The following HPS6 variants were observed in gnomAD, a reference collection of about 807,000 sequenced individuals.
HPS6 encodes HPS6 biogenesis of lysosomal organelles complex 2 subunit 3.
In HPS6, 46 loss-of-function variants were observed where a neutral mutation model predicts 53.6. The ratio of observed to expected loss-of-function variants is 0.86; its 90% CI spans 0.68 to 1.10. The LOEUF is 1.10. Among genes scored for constraint, HPS6 ranks in the 50% least tolerant of loss-of-function variants. HPS6 has a pLI of 0.00. For synonymous variants in HPS6, 535 were observed against 470.8 expected (o/e 1.14, Z -1.77); for missense variants, 1,034 against 991.3 (o/e 1.04, Z -0.58).
At position 102,066,498 on chromosome 10, in the gene HPS6, C is replaced by T; in HGVS notation, c.1024C>T (p.Leu342=). 1 of 1,614,196 alleles carries T rather than the reference C, an allele frequency of 6.2e-7. No individual in the cohort carries two copies. The highest frequency in any genetic ancestry group is 1.1e-5 in the South Asian group (1 of 91,092). The change falls in exon 1 of 1, where the codon CTG becomes TTG. Residue 342 remains leucine (L), a synonymous_variant. Transcript: ENST00000299238. The stretch of plus-strand genomic sequence containing the variant: ...ACTGCTGGACATGGGCAGTGGGCAG[C>T]TGCTGGAGAGGAAGGTCCTAAGTAC... ...LELLDMGSGQ[L]LERKVLSTDR...
In HPS6 at chr10:102,067,912, A is replaced by G. The variant is rs1430710791; in HGVS notation, c.*110A>G. On this transcript the variant is annotated 3_prime_UTR_variant, in exon 1 of 1. Transcript: ENST00000299238. ...ACACAGGAAATCATTTCTAGGACACAGTGATCAGGGAAGGGTGCCTGGGAC... is the reference window on the plus strand; with the variant it reads ...ACACAGGAAATCATTTCTAGGACACGGTGATCAGGGAAGGGTGCCTGGGAC... 7.5e-7 allele frequency: 1 copy of G among 1,326,584 alleles called. No homozygotes were observed. Among genetic ancestry groups the G allele is most frequent in the Non-Finnish European group, 1.1e-6 (1 of 923,646 alleles). The allele number at this position is 1,326,584 out of a possible 1,614,324, so 82.2% of individuals were successfully genotyped here. A position where few individuals can be genotyped will look rare whatever the true frequency, so the allele number is the denominator to read the frequency against.
chr10:102,067,481 A>C lies in HPS6; in HGVS notation c.2007A>C (p.Glu669Asp). ...CCTCCAGTCCCCTGCTTCGAAGTGA[A>C]ATCTTCAAACTGCTGCTGGCCGAGT... ...LGPSSPLLRS[E>D]IFKLLLAEFA... Residue 669 changes from glutamate (E) to aspartate (D), a missense_variant, in exon 1 of 1, where the codon GAA (glutamate) becomes GAC (aspartate). Glu to Asp is a conservative substitution (Grantham distance 45). Transcript: ENST00000299238. The C allele has an allele frequency of 8.1e-6, 13 of 1,613,812 alleles. No individual in the cohort carries two copies. The highest frequency in any genetic ancestry group is 1.1e-5 in the Non-Finnish European group (13 of 1,180,036).
At position 102,065,743 on chromosome 10, in the gene HPS6, C is replaced by G. The variant is rs969544948; in HGVS notation, c.269C>G (p.Pro90Arg). 2.4e-5 allele frequency: 36 copies of G among 1,501,270 alleles called. No individual in the cohort carries two copies. Among genetic ancestry groups the G allele is most frequent in the Non-Finnish European group, 3.0e-5 (34 of 1,133,064 alleles). 93.0% of individuals were successfully genotyped at this position (1,501,270 alleles called of 1,614,324 possible). ...TTCTTCCTGCCGTGGCCAGCGCGGC[C>G]GGCGCTGGTGCTGGTGTGGGAGAGT... is the stretch of plus-strand genomic sequence containing the variant. ...DAFFLPWPAR[P>R]ALVLVWESGL... The change falls in exon 1 of 1, where the codon CCG becomes CGG. Residue 90 changes from proline (P) to arginine (R), a missense_variant. Pro to Arg is a moderately radical substitution (Grantham distance 103). Coordinates refer to ENST00000299238, the MANE Select transcript of HPS6 (RefSeq NM_024747.6).
At position 102,066,905 on chromosome 10, in the gene HPS6, T is replaced by C. The variant is rs1188370017; in HGVS notation, c.1431T>C (p.Asp477=). 1 of 1,614,130 alleles carries C rather than the reference T, an allele frequency of 6.2e-7. No homozygotes were observed. The highest frequency in any genetic ancestry group is 8.5e-7 in the Non-Finnish European group (1 of 1,180,000). Residue 477 remains aspartate (D), a synonymous_variant, in exon 1 of 1, where the codon GAT becomes GAC. Transcript: ENST00000299238. Reference sequence around the variant, plus strand: ...AGGCCCAGCTGGTGGCTGGGGATGATGAGGAGGCTGGTTGGACTGAGCTGG... The same window carrying C: ...AGGCCCAGCTGGTGGCTGGGGATGACGAGGAGGCTGGTTGGACTGAGCTGG... The part of the protein sequence containing the change: ...QLKAQLVAGD[D]EEAGWTELAE...
chr10:102,066,870 G>C lies in HPS6; in HGVS notation c.1396G>C (p.Glu466Gln). Reference protein sequence around the residue: ...RTELRDYRGLEQLKAQLVAGD... With the variant: ...RTELRDYRGLQQLKAQLVAGD... ...CGAGCTTCGGGATTACCGAGGCTTA[G>C]AACAGCTGAAGGCCCAGCTGGTGGC... The change falls in exon 1 of 1, where the codon GAA becomes CAA. Residue 466 changes from glutamate (E) to glutamine (Q), a missense_variant. By Grantham distance (29) the Glu-to-Gln change is conservative. Transcript: ENST00000299238. The C allele has an allele frequency of 6.2e-7, 1 of 1,614,250 alleles. No individual in the cohort carries two copies. Among genetic ancestry groups the C allele is most frequent in the Non-Finnish European group, 8.5e-7 (1 of 1,180,042 alleles).
Position 102,066,440 on chromosome 10 carries a change from C to T in HPS6, c.966C>T (p.Gly322=), listed in dbSNP as rs749962132. 1.2e-6 allele frequency: 2 copies of T among 1,614,120 alleles called. No homozygotes were observed. The highest frequency in any genetic ancestry group is 1.7e-6 in the Non-Finnish European group (2 of 1,180,018). Reference sequence around the variant, plus strand: ...CTGCAGCCCTAGGCACATTTCAGGGCACTCTGGCCTGTGTGCTGGGCTCCA... The same window carrying T: ...CTGCAGCCCTAGGCACATTTCAGGGTACTCTGGCCTGTGTGCTGGGCTCCA... ...WGSAALGTFQ[G]TLACVLGSTL... The change falls in exon 1 of 1, where the codon GGC becomes GGT. Residue 322 remains glycine (G), a synonymous_variant. Coordinates refer to ENST00000299238, the MANE Select transcript of HPS6 (RefSeq NM_024747.6).
In HPS6 at chr10:102,065,539, T is replaced by C. The variant is rs1277860696; in HGVS notation, c.65T>C (p.Leu22Pro). ...AGCGCCTTCGGCGGCGCGGCGCGGCTCCGGGAGCTGGTGGCCGGGGACTCA... is the reference window on the plus strand; with the variant it reads ...AGCGCCTTCGGCGGCGCGGCGCGGCCCCGGGAGCTGGTGGCCGGGGACTCA... ...DLSAFGGAAR[L>P]RELVAGDSAV... The change falls in exon 1 of 1, where the codon CTC becomes CCC. Residue 22 changes from leucine (L) to proline (P), a missense_variant. Leu to Pro is a moderately conservative substitution (Grantham distance 98, BLOSUM62 -3). Transcript: ENST00000299238. 1 of 1,549,906 alleles carries C rather than the reference T, an allele frequency of 6.5e-7. No homozygotes were observed. Among genetic ancestry groups the C allele is most frequent in the African/African-American group, 1.4e-5 (1 of 70,898 alleles).
In HPS6 at chr10:102,066,418, C is replaced by G. The variant is rs759866099; in HGVS notation, c.944C>G (p.Ala315Gly). 3 of 1,614,056 alleles carry G rather than the reference C, an allele frequency of 1.9e-6. No homozygotes were observed. The highest frequency in any genetic ancestry group is 2.5e-6 in the Non-Finnish European group (3 of 1,180,026). Residue 315 changes from alanine (A) to glycine (G), a missense_variant, in exon 1 of 1, where the codon GCA (alanine) becomes GGA (glycine). Transcript: ENST00000299238. ...GCACCTGTAGGCCCGTGGGGGTCTG[C>G]AGCCCTAGGCACATTTCAGGGCACT... is the stretch of plus-strand genomic sequence containing the variant. Reference protein sequence around the residue: ...QEAPVGPWGSAALGTFQGTLA... With the variant: ...QEAPVGPWGSGALGTFQGTLA...
rs372494008 is a variant in HPS6, at chr10:102,067,573, C to T, written c.2099C>T (p.Ala700Val). 3.7e-6 allele frequency: 6 copies of T among 1,613,688 alleles called. No individual in the cohort carries two copies. In the African/African-American group the frequency reaches 8.0e-5, roughly 22 times the overall value. ...LLCRLCPPEL[A>V]PAELLLLLRT... Reference sequence around the variant, plus strand: ...TGCCGCCTGTGCCCACCAGAACTGGCTCCAGCTGAGCTCCTGCTTCTACTG... The same window carrying T: ...TGCCGCCTGTGCCCACCAGAACTGGTTCCAGCTGAGCTCCTGCTTCTACTG... Residue 700 changes from alanine (A) to valine (V), a missense_variant, in exon 1 of 1, where the codon GCT becomes GTT. Physicochemically the swap from Ala to Val is moderately conservative, Grantham distance 64. Transcript: ENST00000299238.
rs768141611 is a variant in HPS6, at chr10:102,065,531, G to A, written c.57G>A (p.Ala19=). 14 of 1,551,818 alleles carry A rather than the reference G, an allele frequency of 9.0e-6. No homozygotes were observed. Among genetic ancestry groups the A allele is most frequent in the African/African-American group, 2.8e-5 (2 of 70,978 alleles). ...CGGACCTGAGCGCCTTCGGCGGCGC[G>A]GCGCGGCTCCGGGAGCTGGTGGCCG... ...LLSDLSAFGG[A]ARLRELVAGD... The change falls in exon 1 of 1, where the codon GCG becomes GCA. Residue 19 remains alanine, a synonymous_variant. Transcript: ENST00000299238.
Position 102,067,356 on chromosome 10 carries a change from T to TTGAGCAGTGGGCGGCCTAA in HPS6, c.1883_1901dup (p.Lys634AsnfsTer7). 1 of 1,613,206 alleles carries TTGAGCAGTGGGCGGCCTAA rather than the reference T, an allele frequency of 6.2e-7. No homozygotes were observed. The highest frequency in any genetic ancestry group is 8.5e-7 in the Non-Finnish European group (1 of 1,179,950). On this transcript the variant is annotated frameshift_variant, in exon 1 of 1. Coordinates refer to ENST00000299238, the MANE Select transcript of HPS6 (RefSeq NM_024747.6). LOFTEE classifies it high-confidence loss of function. ...TGAGGCTCTGGAGCTAGAGCTGCTC[T>TTGAGCAGTGGGCGGCCTAA]TGAGCAGTGGGCGGCCTAAAGCTGT... is the stretch of plus-strand genomic sequence containing the variant.
At position 102,067,719 on chromosome 10, in the gene HPS6, C is replaced by T; in HGVS notation, c.2245C>T (p.Leu749=). The change falls in exon 1 of 1, where the codon CTG becomes TTG. Residue 749 remains leucine, a synonymous_variant. Coordinates refer to ENST00000299238, the MANE Select transcript of HPS6 (RefSeq NM_024747.6). ...GGAGCAGACTGGGGCTCAAGGATGG[C>T]TGTCGGGCCCAGTTCTAAGCCCATA... ...LLEQTGAQGW[L]SGPVLSPYED... is the part of the protein sequence containing the mutation. 2 of 1,613,486 alleles carry T rather than the reference C, an allele frequency of 1.2e-6. No individual in the cohort carries two copies. The highest frequency in any genetic ancestry group is 8.5e-7 in the Non-Finnish European group (1 of 1,180,018).
At position 102,066,922 on chromosome 10, in the gene HPS6, C is replaced by T. The variant is rs772553227; in HGVS notation, c.1448C>T (p.Thr483Ile). 2.5e-6 allele frequency: 4 copies of T among 1,614,078 alleles called. No individual in the cohort carries two copies. The Admixed American group carries it at 5.0e-5, about 20-fold the overall frequency. Residue 483 changes from threonine (T) to isoleucine (I), a missense_variant, in exon 1 of 1, where the codon ACT becomes ATT. Physicochemically the swap from Thr to Ile is moderately conservative, Grantham distance 89. Coordinates refer to ENST00000299238, the MANE Select transcript of HPS6 (RefSeq NM_024747.6). ...VAGDDEEAGW[T>I]ELAEQEVARL... ...GGGGATGATGAGGAGGCTGGTTGGA[C>T]TGAGCTGGCGGAGCAGGAAGTGGCA...
chr10:102,065,859 G>C lies in HPS6; in HGVS notation c.385G>C (p.Val129Leu), dbSNP rs776966452. 22 of 1,525,688 alleles carry C rather than the reference G, an allele frequency of 1.4e-5. No homozygotes were observed. The South Asian group carries it at 2.6e-4, about 18-fold the overall frequency. 94.5% of individuals were successfully genotyped at this position (1,525,688 alleles called of 1,614,324 possible). ...ELCPGGGARV[V>L]AVAALRGRLV... ...GTGTCCGGGCGGGGGAGCCCGCGTTGTGGCAGTGGCGGCGCTCCGAGGCCG... is the reference window on the plus strand; with the variant it reads ...GTGTCCGGGCGGGGGAGCCCGCGTTCTGGCAGTGGCGGCGCTCCGAGGCCG... Residue 129 changes from valine to leucine, a missense_variant, in exon 1 of 1, where the codon GTG (valine) becomes CTG (leucine). By Grantham distance (32) the Val-to-Leu change is conservative. Coordinates refer to ENST00000299238, the MANE Select transcript of HPS6 (RefSeq NM_024747.6).
At position 102,066,441 on chromosome 10, in the gene HPS6, A is replaced by C; in HGVS notation, c.967A>C (p.Thr323Pro). ...TGCAGCCCTAGGCACATTTCAGGGC[A>C]CTCTGGCCTGTGTGCTGGGCTCCAC... The part of the protein sequence containing the change: ...GSAALGTFQG[T>P]LACVLGSTLE... The change falls in exon 1 of 1, where the codon ACT becomes CCT. Residue 323 changes from threonine to proline, a missense_variant. Physicochemically the swap from Thr to Pro is conservative, Grantham distance 38. Coordinates refer to ENST00000299238, the MANE Select transcript of HPS6 (RefSeq NM_024747.6). 1 of 1,614,044 alleles carries C rather than the reference A, an allele frequency of 6.2e-7. No homozygotes were observed. The highest frequency in any genetic ancestry group is 8.5e-7 in the Non-Finnish European group (1 of 1,180,006).
Position 102,066,864 on chromosome 10 carries a change from G to C in HPS6, c.1390G>C (p.Gly464Arg). ...GAGGACCGAGCTTCGGGATTACCGAGGCTTAGAACAGCTGAAGGCCCAGCT... is the reference window on the plus strand; with the variant it reads ...GAGGACCGAGCTTCGGGATTACCGACGCTTAGAACAGCTGAAGGCCCAGCT... ...MLRTELRDYR[G>R]LEQLKAQLVA... is the part of the protein sequence containing the mutation. Residue 464 changes from glycine to arginine, a missense_variant, in exon 1 of 1, where the codon GGC becomes CGC. Gly to Arg is a moderately radical substitution (Grantham distance 125, BLOSUM62 -2). Coordinates refer to ENST00000299238, the MANE Select transcript of HPS6 (RefSeq NM_024747.6). The C allele has an allele frequency of 1.2e-6, 2 of 1,614,218 alleles. No homozygotes were observed. Among genetic ancestry groups the C allele is most frequent in the Non-Finnish European group, 1.7e-6 (2 of 1,180,028 alleles).
chr10:102,065,876 C>T lies in HPS6; in HGVS notation c.402C>T (p.Leu134=), dbSNP rs763577071. The T allele has an allele frequency of 3.3e-6, 5 of 1,531,490 alleles. No homozygotes were observed. In the South Asian group the frequency reaches 4.8e-5, roughly 15 times the overall value. The allele number at this position is 1,531,490 out of a possible 1,614,324, so 94.9% of individuals were successfully genotyped here. A position where few individuals can be genotyped will look rare whatever the true frequency, so the allele number is the denominator to read the frequency against. ...GGARVVAVAA[L]RGRLVWCEER... The stretch of plus-strand genomic sequence containing the variant: ...CCCGCGTTGTGGCAGTGGCGGCGCT[C>T]CGAGGCCGCCTGGTGTGGTGCGAGG... The change falls in exon 1 of 1, where the codon CTC becomes CTT. Residue 134 remains leucine, a synonymous_variant. Coordinates refer to ENST00000299238, the MANE Select transcript of HPS6 (RefSeq NM_024747.6).
Position 102,066,850 on chromosome 10 carries a change from T to A in HPS6, c.1376T>A (p.Leu459His). 2.5e-6 allele frequency: 4 copies of A among 1,614,202 alleles called. No individual in the cohort carries two copies. The highest frequency in any genetic ancestry group is 2.5e-6 in the Non-Finnish European group (3 of 1,180,028). Reference protein sequence around the residue: ...SALLTMLRTELRDYRGLEQLK... With the variant: ...SALLTMLRTEHRDYRGLEQLK... ...CTGCTGACCATGTTGAGGACCGAGC[T>A]TCGGGATTACCGAGGCTTAGAACAG... The change falls in exon 1 of 1, where the codon CTT (leucine) becomes CAT (histidine). Residue 459 changes from leucine to histidine, a missense_variant. Transcript: ENST00000299238.
chr10:102,066,554 C>G lies in HPS6; in HGVS notation c.1080C>G (p.Ala360=). 1 of 1,614,166 alleles carries G rather than the reference C, an allele frequency of 6.2e-7. No individual in the cohort carries two copies. Among genetic ancestry groups the G allele is most frequent in the Non-Finnish European group, 8.5e-7 (1 of 1,180,040 alleles). Residue 360 remains alanine, a synonymous_variant, in exon 1 of 1, where the codon GCC becomes GCG. Coordinates refer to ENST00000299238, the MANE Select transcript of HPS6 (RefSeq NM_024747.6). ...GGGTACATCTGCTAGAACCGCCAGC[C>G]CCCGGCATGGAGGATGAGGAAGAGC... The part of the protein sequence containing the change: ...TDRVHLLEPP[A]PGMEDEEELE...
Sources: gnomAD v4.1 joint callset for allele counts on GRCh38, gnomAD v4.1.1 for gene constraint, MANE v1.5 for transcripts, NCBI Gene and HGNC (gene_info 2026-07-23, HGNC 2026-07-21) for gene names.